TPM3: variants seen among roughly 807,000 people sequenced by gnomAD.
TPM3 encodes the protein tropomyosin 3.
TPM3 carries 16 observed loss-of-function variants against 43.1 expected under a neutral mutation model. The observed-to-expected ratio is 0.37, with a 90% CI of 0.25 to 0.56. The LOEUF (loss-of-function observed/expected upper bound fraction) is 0.56. Ranked by LOEUF, TPM3 falls within the 20% of genes least tolerant of loss-of-function variation. The pLI is 0.77. For missense variants in TPM3, 176 were observed against 337.2 expected (o/e 0.52, Z 3.74); for synonymous variants, 101 against 116.9 (o/e 0.86, Z 0.88).
chr1:154,183,318 A>T (rs555630673), intron 2 of TPM3: 2 of 1,475,622 alleles, frequency 1.4e-6, no homozygotes, highest in Non-Finnish European at 1.8e-6. Flanking sequence ...GAGCCGCGGC[A>T]GGGAGTGGAT....
At chr1:154,191,455 C>T (rs1571455871) in intron 1 of TPM3, 144 bp from the exon 2 acceptor site, 8 of 1,456,304 alleles carry the variant, frequency 5.5e-6, no homozygotes, top group East Asian at 2.4e-5. Context: ...TTCCAGCCCA[C>T]TGCCTCAGGA....
rs143097126 is a variant in TPM3, at chr1:154,162,671, A to G, written c.*5266T>C. Among the ~76,000 whole-genome samples the G allele has an allele frequency of 1.3e-5, 2 of 152,192 alleles. No homozygotes were observed. The highest frequency in any genetic ancestry group is 2.1e-4 in the South Asian group (1 of 4,834). On this transcript the variant is annotated 3_prime_UTR_variant, in exon 10 of 10. Transcript: ENST00000651641. Reference sequence around the variant, plus strand: ...TACTCTGATGCTTGACTTCACCCCAATACTAGTCCAGGCTCAAGTAACACA... The same window carrying G: ...TACTCTGATGCTTGACTTCACCCCAGTACTAGTCCAGGCTCAAGTAACACA...
intron 2 of TPM3, among the ~76,000 whole-genome samples, chr1:154,189,394 A>G (rs1663573794): frequency 6.6e-6 from 1 of 152,128 alleles, no homozygotes; most frequent in Non-Finnish European, 1.5e-5. Context: ...AGGCTGAGGC[A>G]GGAGAATGGC....
At chr1:154,168,605 T>C (rs1037770476) in intron 9 of TPM3, among the ~76,000 whole-genome samples, 2 of 152,124 alleles carry the variant, frequency 1.3e-5, no homozygotes, top group African/African-American at 4.8e-5. Flanking sequence ...CACTGCAACC[T>C]CCATCTCCTG....
chr1:154,185,866 A>C (rs1663393113), intron 2 of TPM3, among the ~76,000 whole-genome samples: 1 of 151,484 alleles, frequency 6.6e-6, no homozygotes, highest in Non-Finnish European at 1.5e-5. Flanking sequence ...AATCGTGATA[A>C]ATTTTTCTTC....
chr1:154,158,913 A>C, downstream of TPM3: 1 of 776,876 alleles, frequency 1.3e-6, no homozygotes, highest in Non-Finnish European at 2.4e-6. Context: ...GTTGGGGTCC[A>C]GGTCAGTGGT....
At chr1:154,155,401 T>G (rs1659695613), downstream of TPM3, 1 of 314,170 alleles carries the variant, frequency 3.2e-6, no homozygotes, top group Admixed American at 4.6e-5. Context: ...CAAAAAAACT[T>G]TTTGCAATGA....
At chr1:154,181,239 G>T (rs750620496) in intron 2 of TPM3, among the ~76,000 whole-genome samples, 7 of 152,126 alleles carry the variant, frequency 4.6e-5, no homozygotes, top group Non-Finnish European at 1.0e-4. Context: ...GCATCTCCAT[G>T]ACCACTTATA....
intron 2 of TPM3, among the ~76,000 whole-genome samples, chr1:154,182,612 T>C (rs1663083355): frequency 6.6e-6 from 1 of 151,350 alleles, no homozygotes; most frequent in South Asian, 2.1e-4. Flanking sequence ...GCAGGAAACC[T>C]CAAGCCAGAG....
At chr1:154,159,330 T>C (rs1359947073), downstream of TPM3, among the ~76,000 whole-genome samples, 2 of 152,176 alleles carry the variant, frequency 1.3e-5, no homozygotes, top group Admixed American at 1.3e-4. Flanking sequence ...CTTCACAATA[T>C]TTATTCCCTG....
intron 2 of TPM3, among the ~76,000 whole-genome samples, chr1:154,188,293 C>T (rs553716181): frequency 4.6e-5 from 7 of 151,710 alleles, no homozygotes; most frequent in East Asian, 3.9e-4. Context: ...TGGCCTCAGG[C>T]GATTCTCCTG....
chr1:154,171,376 G>A (rs774552753), intron 6 of TPM3, 37 bp downstream of exon 6: 2 of 1,611,262 alleles, frequency 1.2e-6, no homozygotes, highest in African/African-American at 1.3e-5. Flanking sequence ...CTGGGCCCAG[G>A]CCCCAAAGCC....
rs1261285662 is a variant in TPM3 at position 154,167,801 on chromosome 1, T to C, written c.*136A>G. 6.3e-7 allele frequency: 1 copy of C among 1,581,868 alleles called. No individual in the cohort carries two copies. Among genetic ancestry groups the C allele is most frequent in the Non-Finnish European group, 8.6e-7 (1 of 1,163,388 alleles). The stretch of plus-strand genomic sequence containing the variant: ...GTGGGGGTGGAAGAAAATACATAAG[T>C]TGCTTTTTGCTCCCCCATCCTAATG... On this transcript the variant is annotated 3_prime_UTR_variant, in exon 10 of 10. Transcript: ENST00000651641.
rs767468406 is a variant in TPM3 at position 154,176,262 on chromosome 1, A to G, written c.244-14T>C. 2 of 1,614,116 alleles carry G rather than the reference A, an allele frequency of 1.2e-6. No homozygotes were observed. Among genetic ancestry groups the G allele is most frequent in the Non-Finnish European group, 1.7e-6 (2 of 1,180,000 alleles). On this transcript the variant is annotated splice_polypyrimidine_tract_variant and intron_variant, in intron 2 of 9. Transcript: ENST00000651641. Reference sequence around the variant, plus strand: ...CTCAGCCTCAGCCTGCATTTGAAGGAAAGAATGGACAAGGGAAGCAGAGGC... The same window carrying G: ...CTCAGCCTCAGCCTGCATTTGAAGGGAAGAATGGACAAGGGAAGCAGAGGC...
chr1:154,169,489 G>A, intron 8 of TPM3, 106 bp from the exon 9 acceptor site: 1 of 1,118,708 alleles, frequency 8.9e-7, no homozygotes. Flanking sequence ...TGTGACTGTG[G>A]GTCTAATACC....
chr1:154,166,752 G>A lies in TPM3; in HGVS notation c.*1185C>T, dbSNP rs367626966. 19 of 934,304 alleles carry A rather than the reference G, an allele frequency of 2.0e-5. No homozygotes were observed. Among genetic ancestry groups the A allele is most frequent in the African/African-American group, 9.0e-5 (5 of 55,548 alleles). The allele number at this position is 934,304 out of a possible 1,614,324, so 57.9% of individuals were successfully genotyped here. A position where few individuals can be genotyped will look rare whatever the true frequency, so the allele number is the denominator to read the frequency against. ...GCTGGAATGCAGTGGCGCGATCTCC[G>A]CTCACTGCAACCTCCGCCTCCCAGG... On this transcript the variant is annotated 3_prime_UTR_variant, in exon 10 of 10. Transcript: ENST00000651641.
chr1:154,191,628 C>T (rs1188852892), intron 1 of TPM3: 1 of 1,414,384 alleles, frequency 7.1e-7, no homozygotes, highest in Non-Finnish European at 9.2e-7. Context: ...AGAACTCTTA[C>T]CTTTTCCTCT....
chr1:154,187,581 G>T, intron 2 of TPM3: 2 of 891,872 alleles, frequency 2.2e-6, no homozygotes, highest in South Asian at 1.0e-4. Flanking sequence ...CTAGGTGAGG[G>T]GTGCTATGTG....
chr1:154,171,551 G>A, intron 5 of TPM3, 63 bp from the exon 6 acceptor site: 3 of 1,560,676 alleles, frequency 1.9e-6, no homozygotes, highest in Non-Finnish European at 2.6e-6. Context: ...AAAAAAGGGA[G>A]AGAGACACAT....
Sources: gnomAD v4.1 joint callset for allele counts (sites outside exome capture counted in the v4.1 genomes callset) on GRCh38, gnomAD v4.1.1 for gene constraint, MANE v1.5 for transcripts, NCBI Gene and HGNC (gene_info 2026-07-23, HGNC 2026-07-21) for gene names.